UNC5C: variants seen among roughly 807,000 people sequenced by gnomAD.
UNC5C encodes the protein netrin receptor UNC5C.
A neutral mutation model predicts 99.8 loss-of-function variants in UNC5C; 47 were observed. That is an observed-to-expected ratio of 0.47 (90% CI 0.37 to 0.60). UNC5C has a LOEUF of 0.60. UNC5C is among the 20% of genes least tolerant of loss of function. The probability of loss-of-function intolerance (pLI) is 0.00; values close to 1 mark genes in which losing one functional copy is unlikely to be tolerated. For synonymous variants in UNC5C, 487 were observed against 452.2 expected, an observed-to-expected ratio of 1.08 and a Z score of -0.98; for missense variants, 1,062 against 1,165.9, an observed-to-expected ratio of 0.91 and a Z score of 1.30.
intron 1 of UNC5C, among the ~76,000 whole-genome samples, chr4:95,357,458 C>T (rs1384683588): frequency 6.6e-6 from 1 of 151,478 alleles, no homozygotes; most frequent in Non-Finnish European, 1.5e-5. Context: ...TATGCTGTTA[C>T]ATGTTCCTTA....
At chr4:95,188,295 C>T (rs774343574) in intron 12 of UNC5C, among the ~76,000 whole-genome samples, 6 of 152,048 alleles carry the variant, frequency 3.9e-5, no homozygotes, top group Non-Finnish European at 7.3e-5. Context: ...CAACTGGTAT[C>T]GTTGCACTAA....
Position 95,307,098 on chromosome 4 carries a change from C to T in UNC5C, c.347-5349G>A, listed in dbSNP as rs552566998. 5.3e-5 allele frequency among the ~76,000 whole-genome samples: 8 copies of T among 152,120 alleles called. No individual in the cohort carries two copies. The South Asian group carries it at 1.0e-3, about 20-fold the overall frequency. On this transcript the variant is annotated intron_variant, in intron 2 of 15. Transcript: ENST00000453304. Reference sequence around the variant, plus strand: ...TATTATTTCAGCATCTTATAACTCTCGTTAAAGTAATTAAAGTGTGATAAC... The same window carrying T: ...TATTATTTCAGCATCTTATAACTCTTGTTAAAGTAATTAAAGTGTGATAAC...
At chr4:95,308,311 A>C (rs1206109353) in intron 2 of UNC5C, among the ~76,000 whole-genome samples, 6 of 152,192 alleles carry the variant, frequency 3.9e-5, no homozygotes, top group African/African-American at 7.2e-5. Context: ...ATGAATAATA[A>C]ACTTTCCCAA....
chr4:95,358,102 CA>C (rs1330256941), intron 1 of UNC5C, among the ~76,000 whole-genome samples: 4 of 151,704 alleles, frequency 2.6e-5, no homozygotes, highest in South Asian at 2.1e-4. Context: ...AAACAAGCAA[CA>C]AAAAAAACAC....
At chr4:95,422,094 C>T (rs375436424) in intron 1 of UNC5C, among the ~76,000 whole-genome samples, 6 of 152,168 alleles carry the variant, frequency 3.9e-5, no homozygotes, top group African/African-American at 9.7e-5. Flanking sequence ...ACCTCACTGA[C>T]GACAACAAGC....
intron 3 of UNC5C, among the ~76,000 whole-genome samples, chr4:95,298,096 G>A (rs1266919085): frequency 6.6e-6 from 1 of 152,192 alleles, no homozygotes; most frequent in Non-Finnish European, 1.5e-5. Flanking sequence ...AATCGCTTGT[G>A]CCCAGGAGTT....
chr4:95,341,011 G>A (rs990153047), intron 1 of UNC5C, among the ~76,000 whole-genome samples: 5 of 152,098 alleles, frequency 3.3e-5, no homozygotes, highest in African/African-American at 1.2e-4. Context: ...AATGACTGAT[G>A]AGGAGGTGAA....
At chr4:95,317,459 C>T (rs1048238982) in intron 2 of UNC5C, among the ~76,000 whole-genome samples, 3 of 150,866 alleles carry the variant, frequency 2.0e-5, no homozygotes, top group African/African-American at 5.0e-5. Context: ...TGTATATGTG[C>T]GTGTGTAAAG....
In UNC5C at chr4:95,182,884, A is replaced by G. The variant is rs201275924; in HGVS notation, c.2451+13T>C. ...CACTCTCCCCTGATTTCAGACAGAC[A>G]GGAGCCACTTACCTCTGACACGGTG... On this transcript the variant is annotated intron_variant, in intron 14 of 15. Coordinates refer to ENST00000453304, the MANE Select transcript of UNC5C (RefSeq NM_003728.4). The G allele has an allele frequency of 2.2e-5, 35 of 1,604,836 alleles. No homozygotes were observed. The highest frequency in any genetic ancestry group is 5.0e-5 in the Admixed American group (3 of 59,838).
intron 1 of UNC5C, among the ~76,000 whole-genome samples, chr4:95,413,325 C>T (rs1303122897): frequency 6.6e-6 from 1 of 152,124 alleles, no homozygotes; most frequent in Non-Finnish European, 1.5e-5. Flanking sequence ...CTGGAGATGC[C>T]CACAAGAGTG....
chr4:95,371,952 A>G (rs1264277428), intron 1 of UNC5C, among the ~76,000 whole-genome samples: 7 of 152,184 alleles, frequency 4.6e-5, no homozygotes, highest in Admixed American at 4.6e-4. Context: ...TCTGATTTCT[A>G]CATTGTAATG....
intron 12 of UNC5C, among the ~76,000 whole-genome samples, chr4:95,192,836 C>T (rs1406964218): frequency 6.6e-6 from 1 of 152,154 alleles, no homozygotes; most frequent in African/African-American, 2.4e-5. Flanking sequence ...ATGTGTTATG[C>T]CTTCCAGTTT....
intron 1 of UNC5C, among the ~76,000 whole-genome samples, chr4:95,456,642 G>T (rs1747434857): frequency 6.6e-6 from 1 of 152,070 alleles, no homozygotes; most frequent in Admixed American, 6.6e-5. Flanking sequence ...AAAATTCAAG[G>T]ACGTAACCAA....
At chr4:95,197,125 T>C (rs1737462355) in intron 12 of UNC5C, among the ~76,000 whole-genome samples, 1 of 135,350 alleles carries the variant, frequency 7.4e-6, no homozygotes, top group Non-Finnish European at 1.5e-5. Flanking sequence ...ATTATATATC[T>C]ATAGGATATA....
At chr4:95,307,244 TAATTA>T (rs948845631) in intron 2 of UNC5C, among the ~76,000 whole-genome samples, 2 of 152,068 alleles carry the variant, frequency 1.3e-5, no homozygotes, top group Non-Finnish European at 2.9e-5. Context: ...TGAAATGTTT[TAATTA>T]AATTTTTAAT....
chr4:95,295,739 C>T (rs540277506), intron 3 of UNC5C, among the ~76,000 whole-genome samples: 1 of 152,238 alleles, frequency 6.6e-6, no homozygotes, highest in East Asian at 1.9e-4. Flanking sequence ...GGCCCTCGGT[C>T]AAGTATTACT....
rs139502011 is a variant in UNC5C at position 95,185,094 on chromosome 4, C to T, written c.2239G>A (p.Asp747Asn). Residue 747 changes from aspartate (D) to asparagine (N), a missense_variant, in exon 13 of 16, where the codon GAT becomes AAT. By Grantham distance (23) the Asp-to-Asn change is conservative. Transcript: ENST00000453304. Reference sequence around the variant, plus strand: ...CTCTTCCAGAGGGAATGGGCGATATCGTGAATTGACAGGCGCAGGTTGTGG... The same window carrying T: ...CTCTTCCAGAGGGAATGGGCGATATTGTGAATTGACAGGCGCAGGTTGTGG... ...STHNLRLSIH[D>N]IAHSLWKSKL... 1,012 of 1,613,920 alleles carry T rather than the reference C, an allele frequency of 6.3e-4. No homozygotes were observed. Among genetic ancestry groups the T allele is most frequent in the South Asian group, 1.5e-3 (140 of 91,044 alleles).
At chr4:95,533,706 A>T (rs1722708871) in intron 1 of UNC5C, among the ~76,000 whole-genome samples, 1 of 152,190 alleles carries the variant, frequency 6.6e-6, no homozygotes. Context: ...TGTTAGTTTG[A>T]AAACAAAAAC....
At chr4:95,260,553 A>G (rs1475075143) in intron 4 of UNC5C, among the ~76,000 whole-genome samples, 3 of 152,194 alleles carry the variant, frequency 2.0e-5, no homozygotes, top group African/African-American at 7.2e-5. Context: ...CTCTCCCCAC[A>G]GAAAGGATTC....
Sources: allele counts gnomAD v4.1 joint callset (sites outside exome capture counted in the v4.1 genomes callset), GRCh38; gene constraint gnomAD v4.1.1; transcripts MANE v1.5; gene names NCBI Gene and HGNC (gene_info 2026-07-23, HGNC 2026-07-21).